SLC16A12: variants seen among roughly 807,000 people sequenced by gnomAD.
SLC16A12 encodes solute carrier family 16 member 12.
SLC16A12 carries 17 observed loss-of-function variants against 42.4 expected under a neutral mutation model. The ratio of observed to expected loss-of-function variants is 0.40; its 90% confidence interval spans 0.27 to 0.60. The LOEUF is 0.60. SLC16A12 is among the 20% of genes least tolerant of loss of function. SLC16A12 has a pLI of 0.42. For missense variants in SLC16A12, 544 were observed against 623.0 expected (o/e 0.87, Z 1.35); for synonymous variants, 224 against 229.4 (o/e 0.98, Z 0.21).
At chr10:89,465,636 C>G (rs1842381745) in intron 2 of SLC16A12, among the ~76,000 whole-genome samples, 1 of 152,190 alleles carries the variant, frequency 6.6e-6, no homozygotes, top group South Asian at 2.1e-4. Flanking sequence ...AAAAGATCTA[C>G]CATACCTGTA....
upstream of SLC16A12, among the ~76,000 whole-genome samples, chr10:89,539,902 T>TTTCTTTCC (rs1554834029): frequency 1.8e-4 from 27 of 148,094 alleles, no homozygotes; most frequent in African/African-American, 6.5e-4. Context: ...TCTTTCTTTC[T>TTTCTTTCC]TTCTTTCTTT....
chr10:89,524,953 C>T (rs1021943814), intron 2 of SLC16A12, among the ~76,000 whole-genome samples: 1 of 152,180 alleles, frequency 6.6e-6, no homozygotes, highest in African/African-American at 2.4e-5. Flanking sequence ...AGCAGTGGCT[C>T]ATACCTGTAA....
Position 89,487,289 on chromosome 10 carries a change from G to T in SLC16A12, c.-46-24665C>A, listed in dbSNP as rs1358937209. Among the ~76,000 whole-genome samples, 3 of 152,146 alleles carry T rather than the reference G, an allele frequency of 2.0e-5. No individual in the cohort carries two copies. The East Asian group carries it at 5.8e-4, about 29-fold the overall frequency. The stretch of plus-strand genomic sequence containing the variant: ...AATTCTGAAGATTAACATCATCATA[G>T]TGTACCATCTCACACCTATCAGAAT... On this transcript the variant is annotated intron_variant, in intron 2 of 7. Transcript: ENST00000371790.
intron 2 of SLC16A12, among the ~76,000 whole-genome samples, chr10:89,470,562 A>G (rs1219611225): frequency 6.6e-6 from 1 of 152,228 alleles, no homozygotes; most frequent in Non-Finnish European, 1.5e-5. Flanking sequence ...GACATGGAAG[A>G]TAGGTGAGAT....
chr10:89,467,031 CAATT>C, intron 2 of SLC16A12, among the ~76,000 whole-genome samples: 1 of 152,196 alleles, frequency 6.6e-6, no homozygotes, highest in East Asian at 1.9e-4. Context: ...CAATTGGACA[CAATT>C]AACTGCCAAG....
At chr10:89,478,503 G>A (rs1432407034) in intron 2 of SLC16A12, among the ~76,000 whole-genome samples, 1 of 152,216 alleles carries the variant, frequency 6.6e-6, no homozygotes, top group African/African-American at 2.4e-5. Flanking sequence ...GTGAAGTCAA[G>A]TCCTGAGCTC....
At chr10:89,485,780 G>C (rs141441111) in intron 2 of SLC16A12, among the ~76,000 whole-genome samples, 1 of 152,184 alleles carries the variant, frequency 6.6e-6, no homozygotes, top group East Asian at 1.9e-4. Context: ...GGAGAGCAGC[G>C]TGTGTAGATC....
Position 89,511,779 on chromosome 10 carries a change from T to C in SLC16A12, c.-47+22722A>G, listed in dbSNP as rs57295113. 8.5e-3 allele frequency among the ~76,000 whole-genome samples: 1,295 copies of C among 152,174 alleles called. 20 individuals are homozygous for C. The highest frequency in any genetic ancestry group is 0.03 in the African/African-American group (1,226 of 41,514). On this transcript the variant is annotated intron_variant, in intron 2 of 7. Transcript: ENST00000371790. Reference sequence around the variant, plus strand: ...AAACAAACAACAATTAAAAACAGAATTGCCATACAATCCAGCAATTCCACT... The same window carrying C: ...AAACAAACAACAATTAAAAACAGAACTGCCATACAATCCAGCAATTCCACT...
intron 3 of SLC16A12, among the ~76,000 whole-genome samples, chr10:89,461,055 T>C (rs73371311): frequency 0.054 from 8,220 of 152,294 alleles, 719 homozygotes; most frequent in African/African-American, 0.19. Flanking sequence ...TTTCTTGTAA[T>C]GGTCTGCTGC....
chr10:89,511,522 T>C (rs769182026), intron 2 of SLC16A12, among the ~76,000 whole-genome samples: 9 of 151,852 alleles, frequency 5.9e-5, no homozygotes, highest in Admixed American at 3.9e-4. Context: ...TAAGTGGGAG[T>C]TGAGCAATGA....
chr10:89,454,252 C>T (rs1025849498), intron 3 of SLC16A12, among the ~76,000 whole-genome samples: 1 of 152,176 alleles, frequency 6.6e-6, no homozygotes, highest in African/African-American at 2.4e-5. Flanking sequence ...AAGTAATCCT[C>T]TCGTCTCAGC....
chr10:89,447,440 A>G (rs1842023475), intron 3 of SLC16A12, among the ~76,000 whole-genome samples: 1 of 152,248 alleles, frequency 6.6e-6, no homozygotes, highest in South Asian at 2.1e-4. Context: ...ATTAGAACTC[A>G]GGATTAAGAA....
At chr10:89,551,198 T>C (rs1173882409) in intron 2 of SLC16A12, among the ~76,000 whole-genome samples, 1 of 152,074 alleles carries the variant, frequency 6.6e-6, no homozygotes, top group African/African-American at 2.4e-5. Flanking sequence ...TCCTAACAAT[T>C]TGGGAGGCCA....
At chr10:89,500,225 G>A (rs991693478) in intron 2 of SLC16A12, among the ~76,000 whole-genome samples, 1 of 152,148 alleles carries the variant, frequency 6.6e-6, no homozygotes, top group Non-Finnish European at 1.5e-5. Context: ...AGAAGAATTG[G>A]TACCAATCCT....
At chr10:89,543,655 C>T (rs1430849649) in intron 2 of SLC16A12, among the ~76,000 whole-genome samples, 1 of 151,950 alleles carries the variant, frequency 6.6e-6, no homozygotes, top group South Asian at 2.1e-4. Context: ...ATGGTGAAAA[C>T]CTGTCTCTAC....
intron 2 of SLC16A12, among the ~76,000 whole-genome samples, chr10:89,473,505 T>G (rs774191580): frequency 2.0e-5 from 3 of 152,028 alleles, no homozygotes; most frequent in Non-Finnish European, 2.9e-5. Context: ...TAGGCAAAGG[T>G]TTTTTAGAGA....
At chr10:89,527,262 C>A (rs556800546) in intron 2 of SLC16A12, among the ~76,000 whole-genome samples, 1 of 151,620 alleles carries the variant, frequency 6.6e-6, no homozygotes, top group African/African-American at 2.4e-5. Flanking sequence ...GTGGGCAGAT[C>A]ACTTGAGGTC....
chr10:89,471,332 T>G (rs1459674063), intron 2 of SLC16A12, among the ~76,000 whole-genome samples: 2 of 152,206 alleles, frequency 1.3e-5, no homozygotes, highest in African/African-American at 4.8e-5. Context: ...TCAATATAGA[T>G]TGCTTTCTGT....
intron 2 of SLC16A12, among the ~76,000 whole-genome samples, chr10:89,529,977 C>T (rs571521241): frequency 6.6e-6 from 1 of 152,284 alleles, no homozygotes; most frequent in South Asian, 2.1e-4. Context: ...ACATTAGAAG[C>T]TCTCAGCAGT....
Sources: gnomAD v4.1 joint callset for allele counts (sites outside exome capture counted in the v4.1 genomes callset) on GRCh38, gnomAD v4.1.1 for gene constraint, MANE v1.5 for transcripts, NCBI Gene and HGNC (gene_info 2026-07-23, HGNC 2026-07-21) for gene names.